Variants in SEC61A2 observed in about 807,000 individuals in gnomAD.
SEC61A2 encodes the protein protein transport protein Sec61 subunit alpha isoform 2.
Under a neutral mutation model 59.9 loss-of-function variants are expected in SEC61A2, and 28 were observed. The ratio of observed to expected loss-of-function variants is 0.47; its 90% CI spans 0.35 to 0.64. The LOEUF is 0.64. Among genes scored for constraint, SEC61A2 ranks in the 30% least tolerant of loss-of-function variants. SEC61A2 has a pLI of 0.01. For synonymous variants in SEC61A2, 202 were observed against 214.4 expected, an observed-to-expected ratio of 0.94 and a Z score of 0.50; for missense variants, 340 against 585.9, an observed-to-expected ratio of 0.58 and a Z score of 4.33.
At chr10:12,137,608 T>C (rs1564407668) in intron 3 of SEC61A2, among the ~76,000 whole-genome samples, 1 of 151,446 alleles carries the variant, frequency 6.6e-6, no homozygotes, top group Non-Finnish European at 1.5e-5. Flanking sequence ...CCCAGCCCAA[T>C]GATACTTTCA....
chr10:12,168,873 C>T (rs1237941236), downstream of SEC61A2, among the ~76,000 whole-genome samples: 2 of 152,114 alleles, frequency 1.3e-5, no homozygotes, highest in Non-Finnish European at 2.9e-5. This position sits in a 1 kb window ranked among gnomAD's most constrained non-coding sequence, Gnocchi z 4.8. Context: ...AGCGATTCTC[C>T]TGCCCCAGCC....
intron 4 of SEC61A2, among the ~76,000 whole-genome samples, chr10:12,144,574 T>C (rs1288215729): frequency 6.6e-6 from 1 of 152,134 alleles, no homozygotes; most frequent in Non-Finnish European, 1.5e-5. Context: ...CCAGTTGTCA[T>C]GGAGTTGATA....
chr10:12,131,239 A>G (rs1198021861), intron 1 of SEC61A2, among the ~76,000 whole-genome samples: 2 of 152,226 alleles, frequency 1.3e-5, no homozygotes, highest in Non-Finnish European at 2.9e-5. Context: ...AAGATAATAT[A>G]GTCAACTTTA....
At chr10:12,132,691 G>A (rs148953934) in intron 1 of SEC61A2, among the ~76,000 whole-genome samples, 1 of 151,806 alleles carries the variant, frequency 6.6e-6, no homozygotes, top group East Asian at 1.9e-4. Context: ...GCATCTTTCA[G>A]TTGTTTAAGG....
In SEC61A2 at chr10:12,132,509, G is replaced by T. The variant is rs78473620; in HGVS notation, c.8-732G>T. On this transcript the variant is annotated intron_variant, in intron 1 of 11. Coordinates refer to ENST00000298428, the MANE Select transcript of SEC61A2 (RefSeq NM_018144.4). Reference sequence around the variant, plus strand: ...CTCGCCTGTAATCCTAGCTACTCGGGAGGCTGAGGCAGGAGAATCACTTGA... The same window carrying T: ...CTCGCCTGTAATCCTAGCTACTCGGTAGGCTGAGGCAGGAGAATCACTTGA... Among the ~76,000 whole-genome samples the T allele has an allele frequency of 8.1e-3, 1,235 of 151,968 alleles. 44 individuals are homozygous for T. The East Asian group carries it at 0.094, about 12-fold the overall frequency.
downstream of SEC61A2, chr10:12,166,849 G>C: frequency 2.3e-6 from 1 of 439,296 alleles, no homozygotes. Context: ...ATGGGAACCA[G>C]ATCAATCTGT....
Position 12,164,239 on chromosome 10 carries a change from G to A in SEC61A2, c.1245-29G>A, listed in dbSNP as rs1834608759. On this transcript the variant is annotated intron_variant, in intron 11 of 11. Transcript: ENST00000298428. This position sits in a 1 kb window ranked among gnomAD's most constrained non-coding sequence, Gnocchi z 7.3. Reference sequence around the variant, plus strand: ...TGCCGTGCTGTTCCTGGTCTCTGCTGCCGCCTAACTTGGGGTTCTGTCTCC... The same window carrying A: ...TGCCGTGCTGTTCCTGGTCTCTGCTACCGCCTAACTTGGGGTTCTGTCTCC... The A allele has an allele frequency of 5.0e-6, 8 of 1,610,490 alleles. No homozygotes were observed. The South Asian group carries it at 6.6e-5, about 13-fold the overall frequency.
chr10:12,149,509 T>G lies in SEC61A2; in HGVS notation c.221-86T>G. On this transcript the variant is annotated intron_variant, in intron 4 of 11. Coordinates refer to ENST00000298428, the MANE Select transcript of SEC61A2 (RefSeq NM_018144.4). This position sits in a 1 kb window ranked among gnomAD's most constrained non-coding sequence, Gnocchi z 5.2. The stretch of plus-strand genomic sequence containing the variant: ...TTAAAATTTTCACGTGTGTTTCAGT[T>G]GAGGTAATTAGGGAGTGCGACACCT... 7.5e-5 allele frequency: 98 copies of G among 1,298,826 alleles called. No homozygotes were observed. Among genetic ancestry groups the G allele is most frequent in the Non-Finnish European group, 9.8e-5 (93 of 948,444 alleles). 80.5% of individuals were successfully genotyped at this position (1,298,826 alleles called of 1,614,324 possible). A position where few individuals can be genotyped will look rare whatever the true frequency, so the allele number is the denominator to read the frequency against.
At chr10:12,133,594 G>A (rs796509877) in intron 2 of SEC61A2, among the ~76,000 whole-genome samples, 1 of 152,348 alleles carries the variant, frequency 6.6e-6, no homozygotes, top group African/African-American at 2.4e-5. Flanking sequence ...TCTCCTGTCT[G>A]TAGTGATCCT....
chr10:12,164,847 CTTAT>C lies in SEC61A2; in HGVS notation c.*397_*400del, dbSNP rs1342775191. On this transcript the variant is annotated 3_prime_UTR_variant, in exon 12 of 12. Coordinates refer to ENST00000298428, the MANE Select transcript of SEC61A2 (RefSeq NM_018144.4). This position sits in a 1 kb window ranked among gnomAD's most constrained non-coding sequence, Gnocchi z 7.3. ...ATTGCCACTTTCCAGTATTTTTGAG[CTTAT>C]TTAATGAGTTCTGGAACATTTATAT... 4 of 1,002,340 alleles carry C rather than the reference CTTAT, an allele frequency of 4.0e-6. No individual in the cohort carries two copies. In the African/African-American group the frequency reaches 5.2e-5, roughly 13 times the overall value. 62.1% of individuals were successfully genotyped at this position (1,002,340 alleles called of 1,614,324 possible).
rs1253501913 is a variant in SEC61A2, at chr10:12,145,654, G to A, written c.220+2459G>A. 6.6e-6 allele frequency among the ~76,000 whole-genome samples: 1 copy of A among 152,150 alleles called. No homozygotes were observed. The highest frequency in any genetic ancestry group is 2.4e-5 in the African/African-American group (1 of 41,448). On this transcript the variant is annotated intron_variant, in intron 4 of 11. Coordinates refer to ENST00000298428, the MANE Select transcript of SEC61A2 (RefSeq NM_018144.4). The surrounding 1 kb of genome is among the most constrained non-coding windows in gnomAD (Gnocchi z 4.4). ...TAGATTCCTTTTGTTGTAAGTAATA[G>A]GAAACTAGATGCTTTCGTAGTCCGT...
At chr10:12,132,471 GGGC>G (rs1833774894) in intron 1 of SEC61A2, among the ~76,000 whole-genome samples, 1 of 150,958 alleles carries the variant, frequency 6.6e-6, no homozygotes, top group South Asian at 2.1e-4. Context: ...AAAATTAGCT[GGGC>G]TTGGTGGCAC....
downstream of SEC61A2, chr10:12,166,914 G>A (rs1166701623): frequency 9.5e-6 from 3 of 314,332 alleles, no homozygotes; most frequent in Middle Eastern, 4.1e-4. Flanking sequence ...TGATCTTGCT[G>A]GTTCTGTTCA....
At position 12,143,936 on chromosome 10, in the gene SEC61A2, A is replaced by T. The variant is rs141281656; in HGVS notation, c.220+741A>T. ...TTTTTGGAAACACTTTTTTCAGGCG[A>T]TCCTCCCACTTCAGCCTCCTGAGTA... On this transcript the variant is annotated intron_variant, in intron 4 of 11. Transcript: ENST00000298428. The surrounding 1 kb of genome is among the most constrained non-coding windows in gnomAD (Gnocchi z 4.8). Among the ~76,000 whole-genome samples the T allele has an allele frequency of 2.4e-4, 37 of 152,200 alleles. No individual in the cohort carries two copies. The highest frequency in any genetic ancestry group is 8.7e-4 in the African/African-American group (36 of 41,528).
At position 12,152,290 on chromosome 10, in the gene SEC61A2, G is replaced by A. The variant is rs1330063976; in HGVS notation, c.462+2329G>A. 6.6e-6 allele frequency among the ~76,000 whole-genome samples: 1 copy of A among 151,906 alleles called. No individual in the cohort carries two copies. Among genetic ancestry groups the A allele is most frequent in the African/African-American group, 2.4e-5 (1 of 41,374 alleles). On this transcript the variant is annotated intron_variant, in intron 6 of 11. Coordinates refer to ENST00000298428, the MANE Select transcript of SEC61A2 (RefSeq NM_018144.4). This position sits in a 1 kb window ranked among gnomAD's most constrained non-coding sequence, Gnocchi z 5.5. ...AGATGGGATTTTGCCGTGTTGGCCA[G>A]GCTGGTCTTGAACTTCTGACCTTAG...
intron 3 of SEC61A2, among the ~76,000 whole-genome samples, chr10:12,137,266 G>A (rs1833910928): frequency 2.0e-5 from 3 of 152,158 alleles, no homozygotes; most frequent in Non-Finnish European, 1.5e-5. Flanking sequence ...GCAATCTTGG[G>A]TTGTACTGTG....
chr10:12,138,038 T>C (rs1833928047), intron 3 of SEC61A2, among the ~76,000 whole-genome samples: 3 of 151,812 alleles, frequency 2.0e-5, no homozygotes, highest in Admixed American at 1.3e-4. Context: ...CATACATACA[T>C]ACATACCAGA....
downstream of SEC61A2, chr10:12,165,483 G>A (rs966823976): frequency 1.4e-5 from 6 of 440,504 alleles, no homozygotes; most frequent in Non-Finnish European, 1.8e-5. Flanking sequence ...AAAGTCAAAT[G>A]TAATTACACT....
At chr10:12,169,542 C>A (rs1834805247), downstream of SEC61A2, 2 of 475,762 alleles carry the variant, frequency 4.2e-6, no homozygotes, top group Middle Eastern at 5.4e-4. This position sits in a 1 kb window ranked among gnomAD's most constrained non-coding sequence, Gnocchi z 4.8. Flanking sequence ...GATTGTCATG[C>A]CTTTCTCCAA....
Sources: gnomAD v4.1 joint callset for allele counts (sites outside exome capture counted in the v4.1 genomes callset) on GRCh38, gnomAD v4.1.1 for gene constraint, Gnocchi (gnomAD v3.1) non-coding constraint, MANE v1.5 for transcripts, NCBI Gene and HGNC (gene_info 2026-07-23, HGNC 2026-07-21) for gene names.